Variants in MAPRE2 observed in about 807,000 individuals in gnomAD.
MAPRE2 encodes microtubule associated protein RP/EB family member 2.
A neutral mutation model predicts 43.2 loss-of-function variants in MAPRE2; 13 were observed. The ratio of observed to expected loss-of-function variants is 0.30; its 90% CI spans 0.20 to 0.48. The LOEUF (loss-of-function observed/expected upper bound fraction) is 0.48. Ranked by LOEUF, MAPRE2 falls within the 20% of genes least tolerant of loss-of-function variation. The probability of loss-of-function intolerance (pLI) is 0.99; values close to 1 mark genes in which losing one functional copy is unlikely to be tolerated. For synonymous variants in MAPRE2, 135 were observed against 148.8 expected (o/e 0.91, Z 0.68); for missense variants, 161 against 400.2 (o/e 0.40, Z 5.10).
chr18:35,091,861 A>G (rs567266013), intron 2 of MAPRE2, among the ~76,000 whole-genome samples: 2 of 152,372 alleles, frequency 1.3e-5, no homozygotes, highest in East Asian at 3.9e-4. Context: ...GAAATATCTG[A>G]GACTGGGTAA....
At chr18:35,052,067 T>C (rs1332208824) in intron 1 of MAPRE2, among the ~76,000 whole-genome samples, 2 of 152,160 alleles carry the variant, frequency 1.3e-5, no homozygotes, top group South Asian at 2.1e-4. Flanking sequence ...CAGTCTTTTT[T>C]CCCCCTCATC....
At chr18:34,981,519 A>G (rs1429765544) in intron 1 of MAPRE2, among the ~76,000 whole-genome samples, 2 of 152,218 alleles carry the variant, frequency 1.3e-5, no homozygotes, top group Non-Finnish European at 2.9e-5. Flanking sequence ...TCTATTTTAT[A>G]AGCTCTAAAG....
intron 1 of MAPRE2, among the ~76,000 whole-genome samples, chr18:34,991,736 G>C (rs1180190178): frequency 6.6e-6 from 1 of 152,138 alleles, no homozygotes; most frequent in Non-Finnish European, 1.5e-5. Flanking sequence ...CCAGACCTGG[G>C]ACCTTGGGTG....
chr18:34,992,128 G>T (rs2097024140), intron 1 of MAPRE2, among the ~76,000 whole-genome samples: 1 of 152,078 alleles, frequency 6.6e-6, no homozygotes, highest in South Asian at 2.1e-4. Context: ...TTCTCTAGCT[G>T]AAAAATTATG....
At chr18:35,044,283 T>C (rs1905509689) in intron 1 of MAPRE2, among the ~76,000 whole-genome samples, 1 of 152,252 alleles carries the variant, frequency 6.6e-6, no homozygotes, top group South Asian at 2.1e-4. Context: ...CAGGCTGGCA[T>C]GTAATGGCGC....
At chr18:34,978,467 T>C in intron 1 of MAPRE2, 3 of 1,536,866 alleles carry the variant, frequency 2.0e-6, no homozygotes, top group Non-Finnish European at 2.6e-6. Flanking sequence ...AGCACCTACT[T>C]CTAATCTGAG....
rs754433744 is a variant in MAPRE2 at position 35,127,164 on chromosome 18, C to G, written c.750+77C>G. The G allele has an allele frequency of 4.0e-6, 6 of 1,499,442 alleles. No individual in the cohort carries two copies. The Admixed American group carries it at 1.0e-4, about 26-fold the overall frequency. The allele number at this position is 1,499,442 out of a possible 1,614,324, so 92.9% of individuals were successfully genotyped here. On this transcript the variant is annotated intron_variant, in intron 5 of 6. Coordinates refer to ENST00000300249, the MANE Select transcript of MAPRE2 (RefSeq NM_014268.4). ...GTAGGGGGCCTAGGATCCCCTAGGACTGGGGTAAGGGAGGGAAGGGTAAGG... is the reference window on the plus strand; with the variant it reads ...GTAGGGGGCCTAGGATCCCCTAGGAGTGGGGTAAGGGAGGGAAGGGTAAGG...
intron 2 of MAPRE2, among the ~76,000 whole-genome samples, chr18:35,090,865 G>C (rs1202127157): frequency 6.6e-6 from 1 of 151,978 alleles, no homozygotes; most frequent in Non-Finnish European, 1.5e-5. Context: ...AACAAATTTT[G>C]TTGCAGGATA....
At chr18:35,107,766 ACTTAC>A (rs539076332) in intron 4 of MAPRE2, among the ~76,000 whole-genome samples, 83 of 152,114 alleles carry the variant, frequency 5.5e-4, no homozygotes, top group African/African-American at 1.9e-3. Flanking sequence ...GCGTTTTTTT[ACTTAC>A]CTAATACCAG....
At chr18:35,113,397 T>A (rs1421425448) in intron 4 of MAPRE2, among the ~76,000 whole-genome samples, 2 of 152,206 alleles carry the variant, frequency 1.3e-5, no homozygotes, top group African/African-American at 2.4e-5. Flanking sequence ...TTTTGACAGA[T>A]GATTTACTAA....
intron 1 of MAPRE2, among the ~76,000 whole-genome samples, chr18:34,986,262 C>A (rs2097020950): frequency 6.6e-6 from 1 of 152,110 alleles, no homozygotes; most frequent in Non-Finnish European, 1.5e-5. Context: ...ATGACAGGGC[C>A]TGAAACCACC....
At chr18:35,077,794 TATG>T (rs796234647) in intron 2 of MAPRE2, among the ~76,000 whole-genome samples, 6 of 152,360 alleles carry the variant, frequency 3.9e-5, no homozygotes, top group Admixed American at 2.0e-4. Context: ...GTCTCTGTTA[TATG>T]ATAAGTTGCT....
At chr18:35,059,442 C>A (rs1470100181) in intron 1 of MAPRE2, among the ~76,000 whole-genome samples, 1 of 152,176 alleles carries the variant, frequency 6.6e-6, no homozygotes, top group East Asian at 1.9e-4. Flanking sequence ...TATGATTTGG[C>A]ACACCTTTGT....
chr18:35,108,415 A>G (rs1012448731), intron 4 of MAPRE2, among the ~76,000 whole-genome samples: 1 of 152,156 alleles, frequency 6.6e-6, no homozygotes, highest in South Asian at 2.1e-4. Flanking sequence ...TATTGTAAAC[A>G]GTGCTGCAGT....
chr18:35,049,373 G>C (rs1407673981), intron 1 of MAPRE2, among the ~76,000 whole-genome samples: 1 of 152,110 alleles, frequency 6.6e-6, no homozygotes, highest in Non-Finnish European at 1.5e-5. Context: ...AGTGTTTTCA[G>C]GTTCTAATAA....
intron 2 of MAPRE2, among the ~76,000 whole-genome samples, chr18:35,020,831 G>A (rs1347488505): frequency 6.6e-6 from 1 of 152,132 alleles, no homozygotes; most frequent in Non-Finnish European, 1.5e-5. Context: ...TTTCATTTAG[G>A]TAAAATGATT....
intron 2 of MAPRE2, among the ~76,000 whole-genome samples, chr18:35,012,385 A>G (rs977318740): frequency 3.9e-5 from 6 of 152,200 alleles, no homozygotes; most frequent in African/African-American, 1.4e-4. Context: ...AAGGGAGTCC[A>G]GAGTAGAACC....
rs575377578 is a variant in MAPRE2, at chr18:35,077,796, T to C, written c.250+7474T>C. On this transcript the variant is annotated intron_variant, in intron 2 of 6. Coordinates refer to ENST00000300249, the MANE Select transcript of MAPRE2 (RefSeq NM_014268.4). ...CTCTTCTGATTTTGTCTCTGTTATA[T>C]GATAAGTTGCTTTCTTTTAAAGTAC... is the stretch of plus-strand genomic sequence containing the variant. Among the ~76,000 whole-genome samples the C allele has an allele frequency of 6.6e-5, 10 of 152,330 alleles. No homozygotes were observed. In the East Asian group the frequency reaches 1.9e-3, roughly 29 times the overall value.
chr18:35,056,195 T>C (rs990658510), intron 1 of MAPRE2, among the ~76,000 whole-genome samples: 5 of 152,162 alleles, frequency 3.3e-5, no homozygotes, highest in Non-Finnish European at 4.4e-5. Context: ...TTACTTTGCC[T>C]CATCCAACTT....
Sources: gnomAD v4.1 joint callset for allele counts (sites outside exome capture counted in the v4.1 genomes callset) on GRCh38, gnomAD v4.1.1 for gene constraint, MANE v1.5 for transcripts, NCBI Gene and HGNC (gene_info 2026-07-23, HGNC 2026-07-21) for gene names.